The following DLGAP2 variants were observed in gnomAD, a reference collection of about 807,000 sequenced individuals.
The protein encoded by DLGAP2 is disks large-associated protein 2.
In DLGAP2, 26 loss-of-function variants were observed where a neutral mutation model predicts 100.3. The observed-to-expected ratio is 0.26, with a 90% CI of 0.19 to 0.36. The LOEUF (loss-of-function observed/expected upper bound fraction) is 0.36, where lower values mean the gene tolerates loss of function less well. DLGAP2 is among the 10% of genes least tolerant of loss of function. DLGAP2 has a pLI of 1.00. For missense variants in DLGAP2, 1,858 were observed against 1,453.2 expected, an observed-to-expected ratio of 1.28 and a Z score of -4.53; for synonymous variants, 886 against 630.1, an observed-to-expected ratio of 1.41 and a Z score of -6.08.
intron 3 of DLGAP2, among the ~76,000 whole-genome samples, chr8:1,282,506 A>G (rs1158303892): frequency 1.8e-5 from 2 of 110,432 alleles, no homozygotes; most frequent in African/African-American, 3.4e-5. Flanking sequence ...TGAACCATCC[A>G]GACGTGGTGT....
intron 1 of DLGAP2, among the ~76,000 whole-genome samples, chr8:764,433 G>A (rs913825243): frequency 6.6e-6 from 1 of 152,064 alleles, no homozygotes; most frequent in Non-Finnish European, 1.5e-5. Context: ...TATATACTTT[G>A]TCACTTCGCT....
intron 3 of DLGAP2, chr8:1,297,185 T>A (rs1563067677): frequency 6.6e-6 from 1 of 152,228 alleles, no homozygotes. Flanking sequence ...ATCACAGCGA[T>A]GAGAATGACA....
intron 3 of DLGAP2, among the ~76,000 whole-genome samples, chr8:1,358,491 G>A (rs765099008): frequency 6.6e-6 from 1 of 152,156 alleles, no homozygotes. Context: ...GGCAAGGGCT[G>A]CGTTCACCCA....
intron 2 of DLGAP2, among the ~76,000 whole-genome samples, chr8:1,080,892 A>G (rs972400321): frequency 6.6e-6 from 1 of 152,218 alleles, no homozygotes; most frequent in African/African-American, 2.4e-5. Flanking sequence ...TTAAAGGAAT[A>G]TATTGCCTGG....
chr8:1,191,386 G>T (rs1370518346), intron 2 of DLGAP2, among the ~76,000 whole-genome samples: 1 of 152,092 alleles, frequency 6.6e-6, no homozygotes, highest in Non-Finnish European at 1.5e-5. Flanking sequence ...TAGCCAGGAT[G>T]GTCTTGATCT....
chr8:1,316,545 G>C (rs376941901), intron 3 of DLGAP2, among the ~76,000 whole-genome samples: 24 of 125,922 alleles, frequency 1.9e-4, no homozygotes, highest in South Asian at 2.7e-4. Context: ...TTTAAAAATA[G>C]AGGCTGTGCG....
At chr8:1,528,369 T>A (rs1460064129) in intron 4 of DLGAP2, among the ~76,000 whole-genome samples, 1 of 152,186 alleles carries the variant, frequency 6.6e-6, no homozygotes, top group African/African-American at 2.4e-5. Context: ...CCCACCCCAG[T>A]GCCAGGGATG....
rs571537937 is a variant in DLGAP2 at position 1,506,586 on chromosome 8, A to G, written c.172+5155A>G. 1.1e-4 allele frequency among the ~76,000 whole-genome samples: 17 copies of G among 152,138 alleles called. 1 individual carries two copies. Among genetic ancestry groups the G allele is most frequent in the South Asian group, 8.3e-4 (4 of 4,820 alleles). ...TACAGCGTAAAAATTAAGCATCCAC[A>G]CTGCCCAAGACGATCTCAGCAGGTT... On this transcript the variant is annotated intron_variant, in intron 4 of 14. Transcript: ENST00000637795.
intron 1 of DLGAP2, among the ~76,000 whole-genome samples, chr8:847,895 G>A (rs10102144): frequency 0.24 from 36,685 of 151,988 alleles, 4,795 homozygotes; most frequent in Non-Finnish European, 0.3. Flanking sequence ...TCTTCTGTTC[G>A]GTGGTTCTTA....
chr8:964,200 C>T (rs1197124935), intron 2 of DLGAP2, among the ~76,000 whole-genome samples: 2 of 152,148 alleles, frequency 1.3e-5, no homozygotes, highest in African/African-American at 2.4e-5. Flanking sequence ...ACCTATCTGA[C>T]GTCTTCAGGG....
intron 1 of DLGAP2, among the ~76,000 whole-genome samples, chr8:840,026 C>G (rs1400059628): frequency 3.1e-5 from 4 of 127,990 alleles, no homozygotes; most frequent in Non-Finnish European, 5.0e-5. Context: ...CTGGATTCTG[C>G]GAGCGCGTCC....
chr8:1,539,896 G>T (rs1283626348), intron 4 of DLGAP2, among the ~76,000 whole-genome samples: 1 of 151,906 alleles, frequency 6.6e-6, no homozygotes, highest in Non-Finnish European at 1.5e-5. Flanking sequence ...AAGCCCCTCA[G>T]TCCATCCTCA....
At chr8:1,087,140 G>A (rs999860416) in intron 2 of DLGAP2, among the ~76,000 whole-genome samples, 1 of 152,146 alleles carries the variant, frequency 6.6e-6, no homozygotes, top group Non-Finnish European at 1.5e-5. Context: ...GTTAAACAAT[G>A]TGCAGAAAAG....
intron 2 of DLGAP2, among the ~76,000 whole-genome samples, chr8:1,050,110 G>T (rs531273444): frequency 2.0e-5 from 3 of 152,340 alleles, no homozygotes; most frequent in Non-Finnish European, 4.4e-5. Flanking sequence ...ATGTGTTCAC[G>T]GATATGCAGG....
At chr8:1,273,674 T>C (rs1322085150) in intron 3 of DLGAP2, among the ~76,000 whole-genome samples, 1 of 152,200 alleles carries the variant, frequency 6.6e-6, no homozygotes, top group Non-Finnish European at 1.5e-5. Context: ...TGGCCTGAAT[T>C]TGAATTTAAT....
intron 2 of DLGAP2, among the ~76,000 whole-genome samples, chr8:1,144,383 G>C (rs1464013287): frequency 6.6e-6 from 1 of 152,258 alleles, no homozygotes; most frequent in African/African-American, 2.4e-5. Flanking sequence ...GCTTTAGAAA[G>C]AATGCTGTAA....
At chr8:1,526,845 G>T (rs567660356) in intron 4 of DLGAP2, among the ~76,000 whole-genome samples, 1 of 152,292 alleles carries the variant, frequency 6.6e-6, no homozygotes, top group East Asian at 1.9e-4. Context: ...CAGGCCCAGG[G>T]TTCTCTCTGG....
chr8:1,482,987 C>A (rs996679526), intron 3 of DLGAP2, among the ~76,000 whole-genome samples: 6 of 152,240 alleles, frequency 3.9e-5, no homozygotes, highest in African/African-American at 1.4e-4. Flanking sequence ...CGTGCTCGGG[C>A]CCTGGCGCAC....
intron 3 of DLGAP2, among the ~76,000 whole-genome samples, chr8:1,335,800 T>C (rs1469038749): frequency 1.3e-5 from 2 of 152,238 alleles, no homozygotes; most frequent in Non-Finnish European, 2.9e-5. Context: ...GGGTTTATTG[T>C]GGTGCAATAA....
Sources: gnomAD v4.1 joint callset for allele counts (sites outside exome capture counted in the v4.1 genomes callset) on GRCh38, gnomAD v4.1.1 for gene constraint, MANE v1.5 for transcripts, NCBI Gene and HGNC (gene_info 2026-07-23, HGNC 2026-07-21) for gene names.